The following CDC42BPA variants were observed in gnomAD, a reference collection of about 807,000 sequenced individuals.
CDC42BPA encodes the protein CDC42 binding protein kinase alpha, also known as serine/threonine-protein kinase MRCK alpha.
CDC42BPA carries 80 observed loss-of-function variants against 223.5 expected under a neutral mutation model. The observed-to-expected ratio is 0.36, with a 90% CI of 0.30 to 0.43. The LOEUF (loss-of-function observed/expected upper bound fraction) is 0.43. Among genes scored for constraint, CDC42BPA ranks in the 20% least tolerant of loss-of-function variants. CDC42BPA has a pLI of 1.00. For synonymous variants in CDC42BPA, 694 were observed against 718.6 expected, an observed-to-expected ratio of 0.97 and a Z score of 0.55; for missense variants, 1,743 against 2,099.9, an observed-to-expected ratio of 0.83 and a Z score of 3.32.
intron 1 of CDC42BPA, among the ~76,000 whole-genome samples, chr1:227,300,556 G>C (rs1277170346): frequency 6.6e-6 from 1 of 152,132 alleles, no homozygotes; most frequent in African/African-American, 2.4e-5. Flanking sequence ...ATTATTCTAA[G>C]TGAAGTAACT....
At chr1:227,149,291 C>A (rs1403155589) in intron 6 of CDC42BPA, among the ~76,000 whole-genome samples, 2 of 152,178 alleles carry the variant, frequency 1.3e-5, no homozygotes, top group African/African-American at 4.8e-5. Flanking sequence ...GAAAAGTTCC[C>A]AAGCCAAGAA....
intron 2 of CDC42BPA, among the ~76,000 whole-genome samples, chr1:227,223,664 GCACTAT>G (rs1676333322): frequency 6.6e-6 from 1 of 152,172 alleles, no homozygotes; most frequent in Non-Finnish European, 1.5e-5. Flanking sequence ...TCCTTGCTCA[GCACTAT>G]CACTATTACC....
At chr1:227,173,709 G>GT (rs1184493467) in intron 5 of CDC42BPA, among the ~76,000 whole-genome samples, 2 of 151,912 alleles carry the variant, frequency 1.3e-5, no homozygotes, top group East Asian at 3.9e-4. Context: ...TCCACATGTG[G>GT]TATTTTTTTT....
At chr1:227,083,037 TA>T (rs1167017198) in intron 16 of CDC42BPA, among the ~76,000 whole-genome samples, 1 of 152,140 alleles carries the variant, frequency 6.6e-6, no homozygotes, top group Non-Finnish European at 1.5e-5. Flanking sequence ...TGATTTCTAT[TA>T]ATTATTTCAC....
chr1:227,078,611 TAA>T (rs972525531), intron 17 of CDC42BPA, among the ~76,000 whole-genome samples: 10 of 152,250 alleles, frequency 6.6e-5, no homozygotes, highest in Admixed American at 5.2e-4. Context: ...GTCCTTGCTC[TAA>T]AAGAGTTTCT....
Position 227,317,771 on chromosome 1 carries a change from A to AG in CDC42BPA, c.-590dup, listed in dbSNP as rs1694637623. 2.5e-6 allele frequency: 1 copy of AG among 398,562 alleles called. No individual in the cohort carries two copies. The highest frequency in any genetic ancestry group is 6.3e-4 in the Middle Eastern group (1 of 1,586). The allele number at this position is 398,562 out of a possible 1,614,324, so 24.7% of individuals were successfully genotyped here. ...CGGCAATTTCTCCAGCGGGAAAGGG[A>AG]GGGGGCGAGGTCCCTGAAGCAGCCC... On this transcript the variant is annotated 5_prime_UTR_variant, in exon 1 of 37. Coordinates refer to ENST00000366766, the MANE Select transcript of CDC42BPA (RefSeq NM_001394014.1).
intron 5 of CDC42BPA, among the ~76,000 whole-genome samples, chr1:227,190,251 T>C: frequency 6.6e-6 from 1 of 152,202 alleles, no homozygotes; most frequent in East Asian, 1.9e-4. Flanking sequence ...CATGATGTTG[T>C]GCAAAGAACA....
intron 17 of CDC42BPA, among the ~76,000 whole-genome samples, chr1:227,078,677 T>C (rs1023042093): frequency 2.0e-5 from 3 of 152,114 alleles, no homozygotes; most frequent in Non-Finnish European, 4.4e-5. Context: ...TCAAGAGCCA[T>C]TAGAAGTGAC....
chr1:227,123,167 G>C (rs1450578055), intron 11 of CDC42BPA, among the ~76,000 whole-genome samples: 1 of 152,084 alleles, frequency 6.6e-6, no homozygotes, highest in South Asian at 2.1e-4. Context: ...GCCAGGTGTG[G>C]CGCACACCTA....
chr1:227,185,385 T>C (rs943602679), intron 5 of CDC42BPA, among the ~76,000 whole-genome samples: 2 of 152,188 alleles, frequency 1.3e-5, no homozygotes, highest in Non-Finnish European at 2.9e-5. Flanking sequence ...ACCGTTGTCC[T>C]CTTGCCCTTG....
intron 5 of CDC42BPA, chr1:227,180,404 T>C (rs1480170991): frequency 6.6e-6 from 1 of 152,226 alleles, no homozygotes; most frequent in Non-Finnish European, 1.5e-5. Context: ...ATACACAAGC[T>C]TAAAGCATTA....
Position 227,196,338 on chromosome 1 carries a change from C to CTTTTTTTTTTTTTTTCTTTT in CDC42BPA, c.451-2405_451-2404insAAAAGAAAAAAAAAAAAAAA, listed in dbSNP as rs1553388920. Reference sequence around the variant, plus strand: ...GCTTTCTTTTTACTATTAAACAATACTTTTTTTTTTTTTTTTTTTGAGACA... The same window carrying CTTTTTTTTTTTTTTTCTTTT: ...GCTTTCTTTTTACTATTAAACAATACTTTTTTTTTTTTTTTCTTTTTTTTTTTTTTTTTTTTTTTGAGACA... On this transcript the variant is annotated intron_variant, in intron 4 of 36. Transcript: ENST00000366766. Among the ~76,000 whole-genome samples, 305 of 92,260 alleles carry CTTTTTTTTTTTTTTTCTTTT rather than the reference C, an allele frequency of 3.3e-3. 15 individuals carry two copies. The highest frequency in any genetic ancestry group is 0.015 in the East Asian group (52 of 3,414). 60.5% of individuals were successfully genotyped at this position (92,260 alleles called of 152,430 possible). A position where few individuals can be genotyped will look rare whatever the true frequency, so the allele number is the denominator to read the frequency against.
chr1:227,098,481 G>A (rs1572795371), intron 15 of CDC42BPA, among the ~76,000 whole-genome samples: 1 of 152,108 alleles, frequency 6.6e-6, no homozygotes, highest in East Asian at 1.9e-4. Flanking sequence ...TTATGAAAGA[G>A]TCTTGTCAGG....
intron 1 of CDC42BPA, among the ~76,000 whole-genome samples, chr1:227,297,952 G>GTA (rs1416531677): frequency 4.4e-4 from 36 of 80,904 alleles, no homozygotes; most frequent in Admixed American, 6.6e-4. Context: ...GTGTGTGTGT[G>GTA]TGTATATATA....
chr1:227,131,710 GTGGAATCA>G (rs1558568604), intron 10 of CDC42BPA, among the ~76,000 whole-genome samples: 1 of 152,172 alleles, frequency 6.6e-6, no homozygotes, highest in Non-Finnish European at 1.5e-5. Flanking sequence ...TTACAATATT[GTGGAATCA>G]TGTAAGGAAA....
At chr1:227,137,573 A>G (rs76141989) in intron 10 of CDC42BPA, among the ~76,000 whole-genome samples, 14,631 of 151,986 alleles carry the variant, frequency 0.096, 868 homozygotes, top group Middle Eastern at 0.16. Flanking sequence ...ATTTGCACGA[A>G]CTTTACTCAC....
chr1:227,139,482 T>G, intron 10 of CDC42BPA, 94 bp downstream of exon 10: 1 of 791,078 alleles, frequency 1.3e-6, no homozygotes, highest in Non-Finnish European at 1.9e-6. Context: ...CTTAAAATAA[T>G]TTTTTTCAAA....
At chr1:227,000,083 GAACTTA>G in intron 35 of CDC42BPA, among the ~76,000 whole-genome samples, 1 of 143,844 alleles carries the variant, frequency 7.0e-6, no homozygotes, top group South Asian at 2.4e-4. Flanking sequence ...ATGTATCCCA[GAACTTA>G]AAGTATAATA....
intron 6 of CDC42BPA, among the ~76,000 whole-genome samples, chr1:227,148,061 T>TA (rs1439703554): frequency 1.3e-5 from 2 of 152,098 alleles, no homozygotes; most frequent in Non-Finnish European, 2.9e-5. Context: ...CTTACTAATT[T>TA]AAAAAACTAT....
Sources: allele counts gnomAD v4.1 joint callset (sites outside exome capture counted in the v4.1 genomes callset), GRCh38; gene constraint gnomAD v4.1.1; transcripts MANE v1.5; gene names NCBI Gene and HGNC (gene_info 2026-07-23, HGNC 2026-07-21).